The following CACNA1E variants were observed in gnomAD, a reference collection of about 807,000 sequenced individuals.
The protein encoded by CACNA1E is voltage-dependent R-type calcium channel subunit alpha-1E.
In CACNA1E, 40 loss-of-function variants were observed where a neutral mutation model predicts 259.2. The observed-to-expected ratio is 0.15, with a 90% CI of 0.12 to 0.20. CACNA1E has a LOEUF of 0.20. Among genes scored for constraint, CACNA1E ranks in the 10% least tolerant of loss-of-function variants. The pLI is 1.00. For synonymous variants in CACNA1E, 1,104 were observed against 1,138.5 expected (o/e 0.97, Z 0.61); for missense variants, 1,874 against 3,040.1 (o/e 0.62, Z 9.02).
intron 3 of CACNA1E, among the ~76,000 whole-genome samples, chr1:181,547,469 A>G (rs1647617906): frequency 1.3e-5 from 2 of 152,146 alleles, no homozygotes; most frequent in South Asian, 2.1e-4. Context: ...TCCTCTGTTC[A>G]CTAGAAATGG....
At chr1:181,464,339 GT>G (rs397943865) in intron 2 of CACNA1E, among the ~76,000 whole-genome samples, 8 of 148,082 alleles carry the variant, frequency 5.4e-5, no homozygotes, top group African/African-American at 7.4e-5. Flanking sequence ...TTCGTTTTTT[GT>G]TTTTTTTTTA....
intron 7 of CACNA1E, among the ~76,000 whole-genome samples, chr1:181,679,288 G>A (rs1295090798): frequency 6.6e-6 from 1 of 152,166 alleles, no homozygotes; most frequent in Non-Finnish European, 1.5e-5. Flanking sequence ...TACCCATGGT[G>A]GAATGTGAAC....
chr1:181,373,519 T>C (rs1345372735), intron 1 of CACNA1E, among the ~76,000 whole-genome samples: 1 of 150,746 alleles, frequency 6.6e-6, no homozygotes, highest in South Asian at 2.1e-4. Context: ...TTGGATGTTC[T>C]CTCTTTTTCT....
At chr1:181,750,683 C>T (rs1326136369) in intron 26 of CACNA1E, among the ~76,000 whole-genome samples, 196 bp downstream of exon 26, 2 of 152,154 alleles carry the variant, frequency 1.3e-5, no homozygotes, top group Non-Finnish European at 2.9e-5. Context: ...GATATGTATT[C>T]GGCTCATATG....
At chr1:181,622,916 T>C (rs1655853489) in intron 6 of CACNA1E, among the ~76,000 whole-genome samples, 1 of 152,238 alleles carries the variant, frequency 6.6e-6, no homozygotes, top group Admixed American at 6.5e-5. Context: ...TAGGAGCTTT[T>C]TCTGGGCACC....
chr1:181,399,354 G>T (rs1221918862), intron 1 of CACNA1E, among the ~76,000 whole-genome samples: 1 of 151,936 alleles, frequency 6.6e-6, no homozygotes, highest in Non-Finnish European at 1.5e-5. Context: ...TTGATTTTTG[G>T]CCTCTCTTCA....
intron 2 of CACNA1E, among the ~76,000 whole-genome samples, chr1:181,431,188 A>C (rs1659691172): frequency 1.3e-5 from 2 of 152,234 alleles, no homozygotes; most frequent in Non-Finnish European, 2.9e-5. Context: ...AGTAAATTTC[A>C]ATAGAAGATT....
intron 3 of CACNA1E, among the ~76,000 whole-genome samples, chr1:181,540,558 A>C (rs1352321990): frequency 6.6e-6 from 1 of 152,214 alleles, no homozygotes. Context: ...TTGAAAAACA[A>C]CGTGTGCAGG....
chr1:181,491,998 T>C (rs540837565), intron 1 of CACNA1E, among the ~76,000 whole-genome samples: 1 of 152,248 alleles, frequency 6.6e-6, no homozygotes, highest in East Asian at 1.9e-4. Flanking sequence ...AGTGGATGGC[T>C]GGGAGGGGAG....
chr1:181,423,662 A>ATTTTTTTTTTTTTTTTTTTT (rs11302089), intron 2 of CACNA1E, among the ~76,000 whole-genome samples: 54 of 131,036 alleles, frequency 4.1e-4, no homozygotes, highest in African/African-American at 7.3e-4. Context: ...CATTGGGCCA[A>ATTTTTTTTTTTTTTTTTTTT]TTTTTTTTTT....
intron 2 of CACNA1E, among the ~76,000 whole-genome samples, chr1:181,449,390 C>T (rs987503258): frequency 5.9e-5 from 9 of 152,174 alleles, no homozygotes; most frequent in African/African-American, 1.4e-4. Context: ...CGGCTTATGT[C>T]CTGCTTCAGT....
At chr1:181,748,101 A>G (rs1030730759) in intron 25 of CACNA1E, among the ~76,000 whole-genome samples, 2 of 152,242 alleles carry the variant, frequency 1.3e-5, no homozygotes, top group African/African-American at 4.8e-5. Context: ...AGACCTGATG[A>G]AAGATGCGTA....
chr1:181,386,620 G>C (rs1215710422), intron 1 of CACNA1E, among the ~76,000 whole-genome samples: 2 of 152,198 alleles, frequency 1.3e-5, no homozygotes, highest in African/African-American at 2.4e-5. Context: ...TTGCACACTT[G>C]AATTGTGACT....
intron 1 of CACNA1E, among the ~76,000 whole-genome samples, chr1:181,400,199 T>C (rs186540251): frequency 6.6e-6 from 1 of 152,354 alleles, no homozygotes; most frequent in Admixed American, 6.5e-5. Context: ...TTGCTAGATT[T>C]CTGAGTTTCC....
At chr1:181,751,656 T>G (rs1657609138) in intron 26 of CACNA1E, among the ~76,000 whole-genome samples, 1 of 152,238 alleles carries the variant, frequency 6.6e-6, no homozygotes, top group Non-Finnish European at 1.5e-5. Context: ...TGCTCTCAAC[T>G]GTGGGTTCAT....
Position 181,568,180 on chromosome 1 carries a change from G to A in CACNA1E, c.513-9586G>A, listed in dbSNP as rs1234565463. Among the ~76,000 whole-genome samples the A allele has an allele frequency of 3.3e-5, 5 of 152,272 alleles. No individual in the cohort carries two copies. The East Asian group carries it at 9.7e-4, about 29-fold the overall frequency. ...TAAACCAGTCACTACCCAGGACAGT[G>A]GATGATTTGCTTATACGAATCTACA... is the stretch of plus-strand genomic sequence containing the variant. On this transcript the variant is annotated intron_variant, in intron 3 of 47. Coordinates refer to ENST00000367573, the MANE Select transcript of CACNA1E (RefSeq NM_001205293.3).
chr1:181,393,123 G>A (rs1656410437), intron 1 of CACNA1E, among the ~76,000 whole-genome samples: 1 of 152,222 alleles, frequency 6.6e-6, no homozygotes, highest in Non-Finnish European at 1.5e-5. Context: ...TTGTTTACAT[G>A]TTCCACATGC....
intron 7 of CACNA1E, among the ~76,000 whole-genome samples, chr1:181,702,677 C>T (rs1652387581): frequency 6.6e-6 from 1 of 152,116 alleles, no homozygotes; most frequent in South Asian, 2.1e-4. Context: ...ATGCTTCTGC[C>T]CCACAGCTTT....
chr1:181,464,518 T>C lies in CACNA1E; in HGVS notation c.435-19226T>C, dbSNP rs966087826. 5.3e-5 allele frequency among the ~76,000 whole-genome samples: 8 copies of C among 151,990 alleles called. No individual in the cohort carries two copies. In the East Asian group the frequency reaches 1.2e-3, roughly 22 times the overall value. ...ATCATTACTTTTTCTGAGTCTTTGT[T>C]TTAGGTGTACCAGAACTTGTACTTT... On this transcript the variant is annotated intron_variant, in intron 2 of 11. Transcript: ENST00000524607.
Sources: allele counts gnomAD v4.1 joint callset (sites outside exome capture counted in the v4.1 genomes callset), GRCh38; gene constraint gnomAD v4.1.1; transcripts MANE v1.5; gene names NCBI Gene and HGNC (gene_info 2026-07-23, HGNC 2026-07-21).